PTPRN2: variants seen among roughly 807,000 people sequenced by gnomAD.
The protein encoded by PTPRN2 is receptor-type tyrosine-protein phosphatase N2.
Under a neutral mutation model 118.8 loss-of-function variants are expected in PTPRN2, and 74 were observed. The observed-to-expected ratio is 0.62, with a 90% CI of 0.52 to 0.76. The LOEUF is 0.76. Among genes scored for constraint, PTPRN2 ranks in the 30% least tolerant of loss-of-function variants. PTPRN2 has a pLI of 0.00. For synonymous variants in PTPRN2, 641 were observed against 608.0 expected, an observed-to-expected ratio of 1.05 and a Z score of -0.80; for missense variants, 1,481 against 1,394.4, an observed-to-expected ratio of 1.06 and a Z score of -0.99.
chr7:158,071,225 C>T lies in PTPRN2; in HGVS notation c.1723+10073G>A, dbSNP rs377305390. Among the ~76,000 whole-genome samples, 74 of 15,358 alleles carry T rather than the reference C, an allele frequency of 4.8e-3. 5 individuals are homozygous for T. The highest frequency in any genetic ancestry group is 0.011 in the East Asian group (2 of 184). 10.1% of individuals were successfully genotyped at this position (15,358 alleles called of 152,430 possible). A position where few individuals can be genotyped will look rare whatever the true frequency, so the allele number is the denominator to read the frequency against. On this transcript the variant is annotated intron_variant, in intron 11 of 22. Transcript: ENST00000389418. ...GAGGTGCTCGTGGTGGTGGAGGTGCCCGTGGTGGTGGAGGTGCTCGTAGTA... is the reference window on the plus strand; with the variant it reads ...GAGGTGCTCGTGGTGGTGGAGGTGCTCGTGGTGGTGGAGGTGCTCGTAGTA...
chr7:157,870,050 A>G (rs549999839), intron 12 of PTPRN2, among the ~76,000 whole-genome samples: 5 of 152,196 alleles, frequency 3.3e-5, no homozygotes, highest in South Asian at 2.1e-4. Flanking sequence ...TCCTGTTGCA[A>G]TTCTTCAAGG....
intron 11 of PTPRN2, among the ~76,000 whole-genome samples, chr7:158,075,483 G>A (rs1332102513): frequency 6.6e-6 from 1 of 152,076 alleles, no homozygotes; most frequent in Non-Finnish European, 1.5e-5. Context: ...TTCACACACT[G>A]CAGGCCCCCT....
At chr7:158,351,958 TCCGCTCCCCTCCTGA>T (rs1807995749) in intron 2 of PTPRN2, among the ~76,000 whole-genome samples, 28 of 19,008 alleles carry the variant, frequency 1.5e-3, no homozygotes, top group South Asian at 1.9e-3. Context: ...TCCCCTCCTG[TCCGCTCCCCTCCTGA>T]CCGCTCCCCT....
intron 10 of PTPRN2, among the ~76,000 whole-genome samples, chr7:158,081,985 T>C (rs1002998575): frequency 6.6e-6 from 1 of 152,170 alleles, no homozygotes; most frequent in Non-Finnish European, 1.5e-5. Context: ...AGAAACTGAT[T>C]ATTGTGCCTA....
At chr7:158,375,370 C>T (rs913679545) in intron 2 of PTPRN2, among the ~76,000 whole-genome samples, 1 of 152,220 alleles carries the variant, frequency 6.6e-6, no homozygotes, top group African/African-American at 2.4e-5. Flanking sequence ...GACAAGGCAG[C>T]TGTGTCTTGG....
rs77798372 is a variant in PTPRN2 at position 157,619,409 on chromosome 7, G to A, written c.2344+1953C>T. Among the ~76,000 whole-genome samples, 12,056 of 151,964 alleles carry A rather than the reference G, an allele frequency of 0.079. 655 individuals carry two copies. The highest frequency in any genetic ancestry group is 0.12 in the Non-Finnish European group (8,392 of 67,944). On this transcript the variant is annotated intron_variant, in intron 15 of 22. Transcript: ENST00000389418. The surrounding 1 kb of genome is among the most constrained non-coding windows in gnomAD (Gnocchi z 5.3). ...CCACCCTCACTTGTCCTACCACACC[G>A]GCTTCACTCCCCGCCCTCTCCTCCC... is the stretch of plus-strand genomic sequence containing the variant.
intron 12 of PTPRN2, among the ~76,000 whole-genome samples, chr7:157,738,841 G>T (rs1420350207): frequency 1.3e-5 from 2 of 152,138 alleles, no homozygotes; most frequent in Non-Finnish European, 2.9e-5. Context: ...GATGCTCACA[G>T]GTCAAATTAG....
Position 157,690,911 on chromosome 7 carries a change from G to C in PTPRN2, c.1789-7974C>G, listed in dbSNP as rs890892165. ...CTGGGCCGGGGCGCGGCGCGGGCGG[G>C]CTCAGGGCGGGCTCCGGACGGTCCC... On this transcript the variant is annotated intron_variant, in intron 12 of 22. Transcript: ENST00000389418. This position sits in a 1 kb window ranked among gnomAD's most constrained non-coding sequence, Gnocchi z 7.1. Among the ~76,000 whole-genome samples, 165 of 145,902 alleles carry C rather than the reference G, an allele frequency of 1.1e-3. No homozygotes were observed. The highest frequency in any genetic ancestry group is 2.0e-3 in the Non-Finnish European group (132 of 65,570).
chr7:158,187,665 C>T (rs1825286791), intron 5 of PTPRN2, among the ~76,000 whole-genome samples: 1 of 152,118 alleles, frequency 6.6e-6, no homozygotes, highest in Non-Finnish European at 1.5e-5. Context: ...TCTATCTTAA[C>T]AAAGAAGAAA....
intron 14 of PTPRN2, among the ~76,000 whole-genome samples, chr7:157,653,240 G>A (rs1805793314): frequency 1.3e-5 from 2 of 152,158 alleles, no homozygotes; most frequent in Non-Finnish European, 2.9e-5. Context: ...TTTGTCCAAC[G>A]TGCCCCAGGA....
intron 6 of PTPRN2, among the ~76,000 whole-genome samples, chr7:158,139,681 C>T (rs748574573): frequency 9.3e-5 from 14 of 150,508 alleles, no homozygotes; most frequent in Admixed American, 6.0e-4. Flanking sequence ...TGGAAAGCAG[C>T]GGGGGCGGGG....
chr7:157,950,772 T>G (rs550469225), intron 11 of PTPRN2, among the ~76,000 whole-genome samples: 6 of 152,122 alleles, frequency 3.9e-5, no homozygotes, highest in Non-Finnish European at 5.9e-5. Context: ...TATCGGATGC[T>G]GGAAGCTGTG....
chr7:158,292,967 C>A (rs539884320), intron 3 of PTPRN2, among the ~76,000 whole-genome samples: 141 of 152,190 alleles, frequency 9.3e-4, no homozygotes, highest in African/African-American at 3.2e-3. Context: ...ACTAGGGAGG[C>A]TGAGTCAGGA....
rs995423892 is a variant in PTPRN2 at position 157,690,938 on chromosome 7, G to C, written c.1789-8001C>G. On this transcript the variant is annotated intron_variant, in intron 12 of 22. Transcript: ENST00000389418. This position sits in a 1 kb window ranked among gnomAD's most constrained non-coding sequence, Gnocchi z 7.1. ...TCAGGGCGGGCTCCGGACGGTCCCG[G>C]TAGGGCCGCCGGCCGCGCGCGTAGC... Among the ~76,000 whole-genome samples, 1 of 145,760 alleles carries C rather than the reference G, an allele frequency of 6.9e-6. No homozygotes were observed. The highest frequency in any genetic ancestry group is 1.5e-5 in the Non-Finnish European group (1 of 65,598).
At chr7:158,054,041 C>CCCCAGAGATGCAGAGAT (rs1809583384) in intron 11 of PTPRN2, among the ~76,000 whole-genome samples, 1 of 146,694 alleles carries the variant, frequency 6.8e-6, no homozygotes, top group African/African-American at 2.7e-5. Flanking sequence ...GATGCAGAGA[C>CCCCAGAGATGCAGAGAT]CCCAGAGATG....
intron 2 of PTPRN2, among the ~76,000 whole-genome samples, chr7:158,390,718 G>A (rs971896727): frequency 1.1e-4 from 16 of 152,338 alleles, no homozygotes; most frequent in Admixed American, 8.5e-4. Context: ...AGCTCTCAGC[G>A]CACTTTGCGG....
chr7:157,658,361 G>A (rs1446002528), intron 13 of PTPRN2, among the ~76,000 whole-genome samples: 2 of 152,240 alleles, frequency 1.3e-5, no homozygotes, highest in African/African-American at 4.8e-5. Flanking sequence ...AGGCACAGGG[G>A]AGGGAGAAAG....
intron 11 of PTPRN2, among the ~76,000 whole-genome samples, chr7:158,026,390 G>A (rs1012472848): frequency 2.0e-5 from 3 of 152,206 alleles, no homozygotes; most frequent in Admixed American, 2.0e-4. Context: ...ATCCATGTGG[G>A]AAGGTCCACT....
At position 157,893,347 on chromosome 7, in the gene PTPRN2, G is replaced by A. The variant is rs1186797929; in HGVS notation, c.1788+5326C>T. On this transcript the variant is annotated intron_variant, in intron 12 of 22. Coordinates refer to ENST00000389418, the MANE Select transcript of PTPRN2 (RefSeq NM_002847.5). This position sits in a 1 kb window ranked among gnomAD's most constrained non-coding sequence, Gnocchi z 4.0. ...CAGAGGTGTGGTGCTGTGCAGGTGA[G>A]CTCCTGCCTCTGCCCTCAGCCCCCA... Among the ~76,000 whole-genome samples, 1 of 152,216 alleles carries A rather than the reference G, an allele frequency of 6.6e-6. No homozygotes were observed. The highest frequency in any genetic ancestry group is 1.5e-5 in the Non-Finnish European group (1 of 68,034).
Sources: allele counts gnomAD v4.1 joint callset (sites outside exome capture counted in the v4.1 genomes callset), GRCh38; gene constraint gnomAD v4.1.1; non-coding constraint Gnocchi (gnomAD v3.1); transcripts MANE v1.5; gene names NCBI Gene and HGNC (gene_info 2026-07-23, HGNC 2026-07-21).